MOB1B: variants seen among roughly 807,000 people sequenced by gnomAD.
MOB1B encodes the protein MOB1 Mps One Binder homolog B.
MOB1B carries 19 observed loss-of-function variants against 24.4 expected under a neutral mutation model. The observed-to-expected ratio is 0.78, with a 90% CI of 0.54 to 1.14. The LOEUF (loss-of-function observed/expected upper bound fraction) is 1.14, where lower values mean the gene tolerates loss of function less well. Among genes scored for constraint, MOB1B ranks in the 50% most tolerant of loss-of-function variants. The pLI, the probability that MOB1B is intolerant of heterozygous loss-of-function variation, is 0.00. For synonymous variants in MOB1B, 76 were observed against 82.1 expected, an observed-to-expected ratio of 0.93 and a Z score of 0.40; for missense variants, 243 against 259.6, an observed-to-expected ratio of 0.94 and a Z score of 0.44.
rs1351915982 is a variant in MOB1B, at chr4:70,983,237, T to C, written c.*1180T>C. 2 of 152,580 alleles carry C rather than the reference T, an allele frequency of 1.3e-5. No individual in the cohort carries two copies. Among genetic ancestry groups the C allele is most frequent in the African/African-American group, 4.8e-5 (2 of 41,452 alleles). 9.5% of individuals were successfully genotyped at this position (152,580 alleles called of 1,614,324 possible). On this transcript the variant is annotated 3_prime_UTR_variant, in exon 6 of 6. Transcript: ENST00000309395. ...CCATTCAGTGAATGGAGCTGATGTT[T>C]GCCTGTCATTTTAAGATGATACCAT...
At chr4:70,916,802 G>C (rs1288909825) in intron 1 of MOB1B, among the ~76,000 whole-genome samples, 3 of 152,054 alleles carry the variant, frequency 2.0e-5, no homozygotes, top group African/African-American at 7.2e-5. Context: ...CTCCTGACCT[G>C]AGGTAATCCA....
chr4:70,915,327 A>G (rs1736154590), intron 1 of MOB1B, among the ~76,000 whole-genome samples: 2 of 152,232 alleles, frequency 1.3e-5, no homozygotes, highest in Admixed American at 1.3e-4. Context: ...GCACAGACAA[A>G]ACAAGGAAGG....
chr4:70,907,210 A>G lies in MOB1B; in HGVS notation c.14+4660A>G, dbSNP rs563728600. Among the ~76,000 whole-genome samples the G allele has an allele frequency of 1.1e-3, 164 of 152,294 alleles. 2 individuals carry two copies. The highest frequency in any genetic ancestry group is 3.4e-3 in the Middle Eastern group (1 of 294). On this transcript the variant is annotated intron_variant, in intron 1 of 5. Coordinates refer to ENST00000309395, the MANE Select transcript of MOB1B (RefSeq NM_173468.4). ...TTTTGCTAAAGGGGCAAAATCACCAACTTGAGGTTGGTGGCCCAATTATTG... is the reference window on the plus strand; with the variant it reads ...TTTTGCTAAAGGGGCAAAATCACCAGCTTGAGGTTGGTGGCCCAATTATTG...
chr4:70,923,227 C>T (rs1331039752), intron 1 of MOB1B, among the ~76,000 whole-genome samples: 2 of 152,120 alleles, frequency 1.3e-5, no homozygotes, highest in Non-Finnish European at 2.9e-5. Flanking sequence ...CTGAGGAGGG[C>T]TCAGAACTTC....
intron 5 of MOB1B, among the ~76,000 whole-genome samples, chr4:70,980,786 G>A (rs1339288673): frequency 1.9e-4 from 29 of 152,138 alleles, no homozygotes; most frequent in Admixed American, 1.9e-3. Flanking sequence ...ATTCTTTTGA[G>A]GGCGGGTCCC....
chr4:70,923,792 A>G (rs1736536555), intron 1 of MOB1B, among the ~76,000 whole-genome samples: 1 of 151,922 alleles, frequency 6.6e-6, no homozygotes, highest in South Asian at 2.1e-4. Flanking sequence ...TACTAAAAAT[A>G]CAAAAAAATG....
intron 3 of MOB1B, among the ~76,000 whole-genome samples, chr4:70,973,701 A>G (rs1006009005): frequency 1.8e-4 from 27 of 152,168 alleles, no homozygotes; most frequent in African/African-American, 6.5e-4. Flanking sequence ...AACAGTAAAA[A>G]CAGGATATCA....
chr4:70,957,752 TA>T (rs1434581509), intron 1 of MOB1B, among the ~76,000 whole-genome samples: 5 of 141,068 alleles, frequency 3.5e-5, no homozygotes, highest in African/African-American at 6.1e-5. Flanking sequence ...CTCCCTGCCT[TA>T]TTTTTTTTTT....
intron 2 of MOB1B, among the ~76,000 whole-genome samples, chr4:70,963,228 T>A (rs1560658764): frequency 6.6e-6 from 1 of 151,966 alleles, no homozygotes; most frequent in African/African-American, 2.4e-5. Context: ...GCCGGAGATG[T>A]ACGTACATGT....
At chr4:70,928,188 G>A (rs1736728672) in intron 1 of MOB1B, among the ~76,000 whole-genome samples, 1 of 152,072 alleles carries the variant, frequency 6.6e-6, no homozygotes, top group South Asian at 2.1e-4. Flanking sequence ...TGATCTCTTT[G>A]AAGATGGGGC....
At chr4:70,911,579 T>C (rs1387538291) in intron 1 of MOB1B, among the ~76,000 whole-genome samples, 2 of 152,158 alleles carry the variant, frequency 1.3e-5, no homozygotes, top group Non-Finnish European at 2.9e-5. Flanking sequence ...ATAGCTTTTT[T>C]TTCCTTTACA....
intron 1 of MOB1B, among the ~76,000 whole-genome samples, chr4:70,934,860 C>T (rs1737020837): frequency 6.6e-6 from 1 of 151,970 alleles, no homozygotes; most frequent in African/African-American, 2.4e-5. Flanking sequence ...CTCAAATACT[C>T]CCCCAGTTAA....
intron 2 of MOB1B, among the ~76,000 whole-genome samples, chr4:70,960,900 CTT>C (rs1738276866): frequency 6.6e-6 from 1 of 152,114 alleles, no homozygotes; most frequent in African/African-American, 2.4e-5. Context: ...TAGAGTCTGA[CTT>C]TTAAATATAA....
intron 3 of MOB1B, among the ~76,000 whole-genome samples, chr4:70,972,533 T>C (rs1177575466): frequency 6.6e-6 from 1 of 151,948 alleles, no homozygotes; most frequent in East Asian, 1.9e-4. Flanking sequence ...TGATTTTTAT[T>C]ATTATTAAAA....
chr4:70,973,961 T>G (rs1738874881), intron 3 of MOB1B, among the ~76,000 whole-genome samples: 1 of 152,208 alleles, frequency 6.6e-6, no homozygotes, highest in African/African-American at 2.4e-5. Context: ...TTTCCCAGGC[T>G]CACTGACCTG....
chr4:70,905,521 G>GT (rs1735705490), intron 1 of MOB1B, among the ~76,000 whole-genome samples: 1 of 151,992 alleles, frequency 6.6e-6, no homozygotes, highest in Non-Finnish European at 1.5e-5. Flanking sequence ...GAGGTTACAG[G>GT]TGTGAGCCAT....
intron 2 of MOB1B, among the ~76,000 whole-genome samples, chr4:70,967,824 T>C (rs899688001): frequency 6.6e-6 from 1 of 152,186 alleles, no homozygotes; most frequent in Non-Finnish European, 1.5e-5. Context: ...TCTCTTTTTT[T>C]AAAATTAAAT....
At position 70,967,749 on chromosome 4, in the gene MOB1B, A is replaced by G. The variant is rs187224857; in HGVS notation, c.182-2182A>G. Among the ~76,000 whole-genome samples, 311 of 152,334 alleles carry G rather than the reference A, an allele frequency of 2.0e-3. 3 individuals are homozygous for G. The highest frequency in any genetic ancestry group is 7.1e-3 in the African/African-American group (295 of 41,584). ...AGGAAAAAAAATATTAGCATCAAAA[A>G]TATCAACCTAGGAACAAATCTAATG... is the stretch of plus-strand genomic sequence containing the variant. On this transcript the variant is annotated intron_variant, in intron 2 of 5. Transcript: ENST00000309395.
intron 1 of MOB1B, among the ~76,000 whole-genome samples, chr4:70,943,657 A>G (rs771525796): frequency 3.3e-5 from 5 of 152,214 alleles, no homozygotes; most frequent in Non-Finnish European, 5.9e-5. Flanking sequence ...TGTCCATGGT[A>G]ATAGAAGAGA....
Sources: gnomAD v4.1 joint callset for allele counts (sites outside exome capture counted in the v4.1 genomes callset) on GRCh38, gnomAD v4.1.1 for gene constraint, MANE v1.5 for transcripts, NCBI Gene and HGNC (gene_info 2026-07-23, HGNC 2026-07-21) for gene names.